NIBAN3: variants seen among roughly 807,000 people sequenced by gnomAD.
NIBAN3 encodes niban apoptosis regulator 3, also known as protein Niban 3.
A neutral mutation model predicts 76.4 loss-of-function variants in NIBAN3; 66 were observed. The ratio of observed to expected loss-of-function variants is 0.86; its 90% confidence interval spans 0.71 to 1.06. The LOEUF is 1.06. Ranked by LOEUF, NIBAN3 falls within the 50% of genes least tolerant of loss-of-function variation. The pLI, the probability that NIBAN3 is intolerant of heterozygous loss-of-function variation, is 0.00. For missense variants in NIBAN3, 808 were observed against 810.7 expected (o/e 1.00, Z 0.04); for synonymous variants, 360 against 355.2 (o/e 1.01, Z -0.15).
rs2075976684 is a variant in NIBAN3 at position 17,542,663 on chromosome 19, T to C, written c.1329+369T>C. Reference sequence around the variant, plus strand: ...AGCAATTTTTCAGAAATGGGGAAGATAGGCCGGCGACATGGACGGGCAGAT... The same window carrying C: ...AGCAATTTTTCAGAAATGGGGAAGACAGGCCGGCGACATGGACGGGCAGAT... On this transcript the variant is annotated intron_variant, in intron 10 of 14. Coordinates refer to ENST00000599164, the MANE Select transcript of NIBAN3 (RefSeq NM_001321827.2). The surrounding 1 kb of genome is among the most constrained non-coding windows in gnomAD (Gnocchi z 4.8). 6.6e-6 allele frequency among the ~76,000 whole-genome samples: 1 copy of C among 152,138 alleles called. No homozygotes were observed. Among genetic ancestry groups the C allele is most frequent in the African/African-American group, 2.4e-5 (1 of 41,424 alleles).
Position 17,539,421 on chromosome 19 carries a change from A to G in NIBAN3, c.786A>G (p.Ala262=), listed in dbSNP as rs1464392264. 1.3e-6 allele frequency: 2 copies of G among 1,512,560 alleles called. No homozygotes were observed. Among genetic ancestry groups the G allele is most frequent in the Non-Finnish European group, 1.8e-6 (2 of 1,134,600 alleles). 93.7% of individuals were successfully genotyped at this position (1,512,560 alleles called of 1,614,324 possible). A position where few individuals can be genotyped will look rare whatever the true frequency, so the allele number is the denominator to read the frequency against. Residue 262 remains alanine (A), a synonymous_variant, in exon 7 of 15, where the codon GCA becomes GCG. Coordinates refer to ENST00000599164, the MANE Select transcript of NIBAN3 (RefSeq NM_001321827.2). The part of the protein sequence containing the change: ...RAQTLPGLRG[A]GRARAWAWTE... ...AGACCCTTCCTGGCCTGCGGGGGGC[A>G]GGCCGCGCCCGCGCCTGGGCCTGGA...
intron 12 of NIBAN3, 165 bp downstream of exon 12, chr19:17,543,796 G>A (rs909130547): frequency 3.6e-6 from 2 of 560,196 alleles, no homozygotes; most frequent in African/African-American, 3.8e-5. Flanking sequence ...TTCGAGACTA[G>A]CCTGGCTAAC....
At chr19:17,548,715 C>T (rs2076102748) in intron 13 of NIBAN3, among the ~76,000 whole-genome samples, 1 of 152,158 alleles carries the variant, frequency 6.6e-6, no homozygotes, top group Admixed American at 6.6e-5. Context: ...CACTGGAGGT[C>T]AGGAGTTTGA....
chr19:17,526,029 G>A (rs2075602825), upstream of NIBAN3, among the ~76,000 whole-genome samples: 1 of 151,986 alleles, frequency 6.6e-6, no homozygotes, highest in Non-Finnish European at 1.5e-5. Context: ...ACTCCAGCCT[G>A]GGCAACAGAG....
At chr19:17,543,817 C>T in intron 12 of NIBAN3, 186 bp downstream of exon 12, 1 of 465,792 alleles carries the variant, frequency 2.1e-6, no homozygotes. Flanking sequence ...ATAGTGAAAC[C>T]CTGTCTCTAC....
chr19:17,524,006 A>G (rs527444487), upstream of NIBAN3, among the ~76,000 whole-genome samples: 6 of 152,034 alleles, frequency 3.9e-5, no homozygotes, highest in South Asian at 1.0e-3. Flanking sequence ...CTCCTGCCTC[A>G]GCCTCCCAAG....
At chr19:17,546,497 G>T in intron 12 of NIBAN3, 189 bp from the exon 13 acceptor site, 1 of 1,099,988 alleles carries the variant, frequency 9.1e-7, no homozygotes. Context: ...TTACAGGCAT[G>T]AGCCACCGCA....
At chr19:17,524,161 G>A (rs549624660), upstream of NIBAN3, among the ~76,000 whole-genome samples, 10 of 152,038 alleles carry the variant, frequency 6.6e-5, no homozygotes, top group South Asian at 1.9e-3. Context: ...AAAGTGCTGG[G>A]ATTACAGGCA....
intron 1 of NIBAN3, 88 bp downstream of exon 1, chr19:17,527,483 G>A (rs1185146035): frequency 2.9e-6 from 4 of 1,362,318 alleles, no homozygotes; most frequent in Non-Finnish European, 2.9e-6. Flanking sequence ...AGCAGATGGG[G>A]TTCGGTTCAG....
Position 17,539,400 on chromosome 19 carries a change from C to G in NIBAN3, c.765C>G (p.Thr255=). ...AACTTCCCGCGCTGCGAGCCCAGAC[C>G]CTTCCTGGCCTGCGGGGGGCAGGCC... ...REQLPALRAQ[T]LPGLRGAGRA... Residue 255 remains threonine (T), a synonymous_variant, in exon 7 of 15, where the codon ACC becomes ACG. Transcript: ENST00000599164. The G allele has an allele frequency of 6.5e-7, 1 of 1,533,558 alleles. No individual in the cohort carries two copies. Among genetic ancestry groups the G allele is most frequent in the Non-Finnish European group, 8.8e-7 (1 of 1,142,812 alleles). 95.0% of individuals were successfully genotyped at this position (1,533,558 alleles called of 1,614,324 possible).
chr19:17,553,413 A>G lies in NIBAN3; in HGVS notation c.*1515A>G. On this transcript the variant is annotated 3_prime_UTR_variant, in exon 15 of 15. Transcript: ENST00000599164. ...AGTCATCTGCTAACTGGATATTGGCAGCTTCTCTGCTGTCTTGCAGCTGCT... is the reference window on the plus strand; with the variant it reads ...AGTCATCTGCTAACTGGATATTGGCGGCTTCTCTGCTGTCTTGCAGCTGCT... 1 of 1,614,142 alleles carries G rather than the reference A, an allele frequency of 6.2e-7. No individual in the cohort carries two copies. Among genetic ancestry groups the G allele is most frequent in the Non-Finnish European group, 8.5e-7 (1 of 1,180,032 alleles).
chr19:17,549,761 T>G, intron 14 of NIBAN3: 1 of 604,476 alleles, frequency 1.7e-6, no homozygotes, highest in Non-Finnish European at 3.0e-6. Context: ...GACATGCATG[T>G]GAGCTCAGCC....
rs2075844052 is a variant in NIBAN3, at chr19:17,537,383, T to C, written c.435T>C (p.His145=). 6.2e-7 allele frequency: 1 copy of C among 1,613,490 alleles called. No homozygotes were observed. The highest frequency in any genetic ancestry group is 1.7e-5 in the Admixed American group (1 of 59,838). The stretch of plus-strand genomic sequence containing the variant: ...CCTCCTGTTTGTTTTCAGGAGACCA[T>C]ACTCAGGAAGAGCCTGACTCCCTCT... ...DALCPESLGD[H]TQEEPDSLLE... Residue 145 remains histidine, a synonymous_variant, in exon 5 of 15, where the codon CAT becomes CAC. Transcript: ENST00000599164.
upstream of NIBAN3, among the ~76,000 whole-genome samples, chr19:17,525,292 G>A (rs146024888): frequency 1.5e-3 from 226 of 152,262 alleles, 2 homozygotes; most frequent in African/African-American, 5.1e-3. Context: ...TCACATTTCC[G>A]CTTGGAGTGT....
At chr19:17,537,021 C>T (rs997242096) in intron 4 of NIBAN3, among the ~76,000 whole-genome samples, 4 of 152,132 alleles carry the variant, frequency 2.6e-5, no homozygotes, top group African/African-American at 9.7e-5. Context: ...GGTTGGAACC[C>T]GGGTCTGACT....
At chr19:17,549,826 C>A in intron 14 of NIBAN3, 1 of 100,514 alleles carries the variant, frequency 9.9e-6, no homozygotes, top group Non-Finnish European at 1.7e-5. Flanking sequence ...CTCTCTCTCT[C>A]TTTTTTTTTT....
upstream of NIBAN3, among the ~76,000 whole-genome samples, chr19:17,526,516 C>T (rs959149470): frequency 6.6e-6 from 1 of 151,732 alleles, no homozygotes; most frequent in Non-Finnish European, 1.5e-5. Context: ...ATGGTGGTGG[C>T]GTGTGCCTGT....
intron 11 of NIBAN3, 38 bp downstream of exon 11, chr19:17,543,471 T>C (rs2075993215): frequency 6.2e-7 from 1 of 1,610,410 alleles, no homozygotes; most frequent in African/African-American, 1.3e-5. Flanking sequence ...GGGGTGGCAG[T>C]GGGCCTGGGT....
chr19:17,528,247 A>G (rs545220757), intron 1 of NIBAN3, among the ~76,000 whole-genome samples: 6 of 152,106 alleles, frequency 3.9e-5, no homozygotes, highest in South Asian at 2.1e-4. Context: ...ATGTGCCACC[A>G]TGCCTGACTA....
Sources: allele counts gnomAD v4.1 joint callset (sites outside exome capture counted in the v4.1 genomes callset), GRCh38; gene constraint gnomAD v4.1.1; non-coding constraint Gnocchi (gnomAD v3.1); transcripts MANE v1.5; gene names NCBI Gene and HGNC (gene_info 2026-07-23, HGNC 2026-07-21).